The following CPNE4 variants were observed in gnomAD, a reference collection of about 807,000 sequenced individuals.
The protein encoded by CPNE4 is copine 4, also known as copine-4.
In CPNE4, 25 loss-of-function variants were observed where a neutral mutation model predicts 67.9. That is an observed-to-expected ratio of 0.37 (90% CI 0.27 to 0.51). The LOEUF (loss-of-function observed/expected upper bound fraction) is 0.51, where lower values mean the gene tolerates loss of function less well. CPNE4 is among the 20% of genes least tolerant of loss of function. The pLI, the probability that CPNE4 is intolerant of heterozygous loss-of-function variation, is 0.93. For missense variants in CPNE4, 464 were observed against 690.8 expected (o/e 0.67, Z 3.68); for synonymous variants, 242 against 244.9 (o/e 0.99, Z 0.11).
intron 5 of CPNE4, among the ~76,000 whole-genome samples, chr3:131,689,903 T>C (rs928925156): frequency 7.9e-5 from 12 of 151,902 alleles, no homozygotes; most frequent in African/African-American, 1.4e-4. Flanking sequence ...AGCATTTCTA[T>C]ACAAAGTGAG....
chr3:131,696,597 G>C lies in CPNE4; in HGVS notation c.452C>G (p.Ser151Cys). ...SSITVIAEELSGNDDYVELAF... is the reference protein window; with the variant it reads ...SSITVIAEELCGNDDYVELAF... ...AAGCTCAACATAGTCGTCATTGCCAGATAATTCTTCAGCAATCACCTAAAG... is the reference window on the plus strand; with the variant it reads ...AAGCTCAACATAGTCGTCATTGCCACATAATTCTTCAGCAATCACCTAAAG... Residue 151 changes from serine (S) to cysteine (C), a missense_variant, in exon 5 of 16, where the codon TCT becomes TGT. Physicochemically the swap from Ser to Cys is moderately radical, Grantham distance 112. Transcript: ENST00000429747. 1 of 1,613,962 alleles carries C rather than the reference G, an allele frequency of 6.2e-7. No individual in the cohort carries two copies. The highest frequency in any genetic ancestry group is 8.5e-7 in the Non-Finnish European group (1 of 1,179,890).
chr3:131,944,689 C>A (rs1204084340), intron 1 of CPNE4, among the ~76,000 whole-genome samples: 1 of 135,190 alleles, frequency 7.4e-6, no homozygotes, highest in Non-Finnish European at 1.7e-5. Flanking sequence ...GTGGAAGTGG[C>A]GAGATTTAAA....
At chr3:131,655,487 A>G (rs1231101286) in intron 7 of CPNE4, among the ~76,000 whole-genome samples, 2 of 152,260 alleles carry the variant, frequency 1.3e-5, no homozygotes, top group Non-Finnish European at 2.9e-5. Context: ...TCTGCAGGGC[A>G]GATGAGCTAG....
intron 2 of CPNE4, among the ~76,000 whole-genome samples, chr3:131,798,012 A>G (rs372515485): frequency 6.6e-6 from 1 of 152,136 alleles, no homozygotes; most frequent in South Asian, 2.1e-4. Context: ...TATGTCCTCA[A>G]ATGACTGAGA....
rs376615701 is a variant in CPNE4 at position 131,587,701 on chromosome 3, T to C, written c.682-119A>G. 4.0e-4 allele frequency: 287 copies of C among 716,182 alleles called. 5 individuals carry two copies. The South Asian group carries it at 5.0e-3, about 12-fold the overall frequency. The allele number at this position is 716,182 out of a possible 1,614,324, so 44.4% of individuals were successfully genotyped here. On this transcript the variant is annotated intron_variant, in intron 7 of 15. Coordinates refer to ENST00000429747, the MANE Select transcript of CPNE4 (RefSeq NM_130808.3). The stretch of plus-strand genomic sequence containing the variant: ...AGATGTTTGGTCTGGAACCAAAGCC[T>C]GGGAGTCTAAGATTGGAGCATATGG...
Position 132,004,269 on chromosome 3 carries a change from G to T in CPNE4, c.-2+30298C>A, listed in dbSNP as rs531120466. Among the ~76,000 whole-genome samples, 56 of 152,120 alleles carry T rather than the reference G, an allele frequency of 3.7e-4. 1 individual carries two copies. The highest frequency in any genetic ancestry group is 1.6e-3 in the Admixed American group (25 of 15,266). ...TAACACACCTAAGCAAAACAAAAGT[G>T]CATTTTTCGGTATATTTTTTAAATT... On this transcript the variant is annotated intron_variant, in intron 1 of 15. Transcript: ENST00000429747.
intron 10 of CPNE4, among the ~76,000 whole-genome samples, chr3:131,573,883 T>C (rs1937458267): frequency 6.6e-6 from 1 of 151,984 alleles, no homozygotes; most frequent in Admixed American, 6.6e-5. Flanking sequence ...AACTCTAAAA[T>C]TTGCTCCTGT....
At chr3:131,921,028 T>C (rs2070727843) in intron 1 of CPNE4, among the ~76,000 whole-genome samples, 2 of 152,218 alleles carry the variant, frequency 1.3e-5, no homozygotes, top group African/African-American at 4.8e-5. Flanking sequence ...AAAGGCCTCC[T>C]GTCCACACCT....
At chr3:131,563,103 C>A (rs1364603672) in intron 11 of CPNE4, among the ~76,000 whole-genome samples, 2 of 151,996 alleles carry the variant, frequency 1.3e-5, no homozygotes, top group Non-Finnish European at 2.9e-5. Context: ...CCTGTACATT[C>A]TAGTCCTTAA....
chr3:131,745,116 T>G (rs2082456575), intron 2 of CPNE4, among the ~76,000 whole-genome samples: 1 of 152,190 alleles, frequency 6.6e-6, no homozygotes, highest in Non-Finnish European at 1.5e-5. Flanking sequence ...ATTTATTATT[T>G]CAGCCATTCT....
At chr3:131,951,213 T>C (rs2071710658) in intron 1 of CPNE4, among the ~76,000 whole-genome samples, 1 of 152,212 alleles carries the variant, frequency 6.6e-6, no homozygotes, top group Non-Finnish European at 1.5e-5. Flanking sequence ...ATATTGTACA[T>C]TTGGAAGTTA....
chr3:132,004,023 G>A (rs1222036305), intron 1 of CPNE4, among the ~76,000 whole-genome samples: 1 of 151,922 alleles, frequency 6.6e-6, no homozygotes, highest in Non-Finnish European at 1.5e-5. Context: ...GGAAATGATG[G>A]TCTCCTCCTC....
At chr3:131,592,965 C>G (rs182372617) in intron 7 of CPNE4, among the ~76,000 whole-genome samples, 13 of 152,248 alleles carry the variant, frequency 8.5e-5, no homozygotes, top group Non-Finnish European at 1.5e-4. Context: ...TTATGATTGC[C>G]TTGAACCCAT....
At chr3:131,713,942 C>T (rs1181651863) in intron 3 of CPNE4, among the ~76,000 whole-genome samples, 2 of 152,028 alleles carry the variant, frequency 1.3e-5, no homozygotes, top group South Asian at 2.1e-4. Context: ...ATCTAGTCCA[C>T]GGGAGCTGAG....
At chr3:131,754,084 T>C (rs931383023) in intron 2 of CPNE4, among the ~76,000 whole-genome samples, 1 of 152,090 alleles carries the variant, frequency 6.6e-6, no homozygotes, top group East Asian at 1.9e-4. Context: ...TATTATGCCA[T>C]GGGAGATTAT....
intron 2 of CPNE4, among the ~76,000 whole-genome samples, chr3:131,740,507 T>C (rs1192050011): frequency 6.6e-6 from 1 of 152,108 alleles, no homozygotes; most frequent in Non-Finnish European, 1.5e-5. Context: ...TTCCTCACAT[T>C]TCCATATCCA....
rs1160785319 is a variant in CPNE4, at chr3:131,792,608, T to TGTGTATATATGTATATATATATACACAC, written c.181-69011_181-68984dup. 2.6e-3 allele frequency among the ~76,000 whole-genome samples: 238 copies of TGTGTATATATGTATATATATATACACAC among 91,328 alleles called. 3 individuals are homozygous for TGTGTATATATGTATATATATATACACAC. Among genetic ancestry groups the TGTGTATATATGTATATATATATACACAC allele is most frequent in the South Asian group, 5.3e-3 (13 of 2,450 alleles). 59.9% of individuals were successfully genotyped at this position (91,328 alleles called of 152,430 possible). ...ATACATATATATATGTATATGTGTG[T>TGTGTATATATGTATATATATATACACAC]GTGTATATATGTATATATATATACA... is the stretch of plus-strand genomic sequence containing the variant. On this transcript the variant is annotated intron_variant, in intron 2 of 15. Transcript: ENST00000429747.
chr3:131,974,370 CATGT>C (rs1233627162), intron 1 of CPNE4, among the ~76,000 whole-genome samples: 1 of 152,160 alleles, frequency 6.6e-6, no homozygotes, highest in Non-Finnish European at 1.5e-5. Flanking sequence ...AGTGAATGCA[CATGT>C]ATATACATAC....
At chr3:131,996,521 C>T (rs1297740707) in intron 1 of CPNE4, among the ~76,000 whole-genome samples, 2 of 151,520 alleles carry the variant, frequency 1.3e-5, no homozygotes, top group East Asian at 3.9e-4. Flanking sequence ...GAGAGAGAGT[C>T]CACGATAGGA....
Sources: allele counts gnomAD v4.1 joint callset (sites outside exome capture counted in the v4.1 genomes callset), GRCh38; gene constraint gnomAD v4.1.1; transcripts MANE v1.5; gene names NCBI Gene and HGNC (gene_info 2026-07-23, HGNC 2026-07-21).